Variants in RALYL observed in about 807,000 individuals in gnomAD.
RALYL encodes RNA-binding Raly-like protein.
Under a neutral mutation model 35.1 loss-of-function variants are expected in RALYL, and 29 were observed. That is an observed-to-expected ratio of 0.83 (90% CI 0.61 to 1.13). RALYL has a LOEUF of 1.13. RALYL is among the 50% of genes most tolerant of loss of function. The pLI is 0.00. For missense variants in RALYL, 359 were observed against 360.4 expected, an observed-to-expected ratio of 1.00 and a Z score of 0.03; for synonymous variants, 120 against 127.6, an observed-to-expected ratio of 0.94 and a Z score of 0.40.
intron 2 of RALYL, among the ~76,000 whole-genome samples, chr8:84,735,841 A>AGAGAGAGAGAGAGAGAAC (rs1180314583): frequency 6.6e-5 from 10 of 150,414 alleles, no homozygotes; most frequent in African/African-American, 2.5e-4. Context: ...AGAGAGAGAG[A>AGAGAGAGAGAGAGAGAAC]GAGAGAGAAC....
chr8:84,446,330 G>C (rs1163712750), intron 1 of RALYL, among the ~76,000 whole-genome samples: 1 of 151,950 alleles, frequency 6.6e-6, no homozygotes, highest in African/African-American at 2.4e-5. Context: ...AAAGCATTAT[G>C]TGCTGTTTAT....
intron 1 of RALYL, among the ~76,000 whole-genome samples, chr8:84,445,033 A>C (rs759998444): frequency 2.6e-5 from 4 of 152,100 alleles, no homozygotes; most frequent in Admixed American, 6.6e-5. Context: ...TTATGTCTCT[A>C]ATGTTTACCC....
At chr8:84,633,289 G>A in intron 2 of RALYL, among the ~76,000 whole-genome samples, 1 of 151,670 alleles carries the variant, frequency 6.6e-6, no homozygotes, top group East Asian at 1.9e-4. Flanking sequence ...ATAACACCCA[G>A]ATAGAGTTTG....
chr8:84,360,176 C>T (rs145537284), intron 1 of RALYL, among the ~76,000 whole-genome samples: 2,462 of 152,204 alleles, frequency 0.016, 26 homozygotes, highest in Middle Eastern at 0.044. Context: ...CCTGGCCATG[C>T]GTTCATTTCT....
intron 8 of RALYL, among the ~76,000 whole-genome samples, chr8:84,892,807 A>T (rs1002904838): frequency 2.0e-5 from 3 of 152,148 alleles, no homozygotes; most frequent in African/African-American, 7.2e-5. Flanking sequence ...AGCCAAGACT[A>T]AAAATCTGTG....
chr8:84,862,463 G>A lies in RALYL; in HGVS notation c.571+10G>A. Reference sequence around the variant, plus strand: ...TCAACAGGTTCTAAATGTAAGTAATGTCCTTCATTTTATTTCTCTTTAAAG... The same window carrying A: ...TCAACAGGTTCTAAATGTAAGTAATATCCTTCATTTTATTTCTCTTTAAAG... On this transcript the variant is annotated intron_variant, in intron 6 of 8. Transcript: ENST00000521268. 7 of 1,550,308 alleles carry A rather than the reference G, an allele frequency of 4.5e-6. No individual in the cohort carries two copies. Among genetic ancestry groups the A allele is most frequent in the Non-Finnish European group, 6.1e-6 (7 of 1,149,922 alleles).
In RALYL at chr8:84,420,463, T is replaced by G. The variant is rs1257291645; in HGVS notation, c.-23-108836T>G. Among the ~76,000 whole-genome samples, 16 of 151,536 alleles carry G rather than the reference T, an allele frequency of 1.1e-4. No homozygotes were observed. In the East Asian group the frequency reaches 2.1e-3, roughly 20 times the overall value. ...GGATATTAGCCCTATGTCAGATGAG[T>G]TGGTTGCAAAAATTTTCTCCCATGT... On this transcript the variant is annotated intron_variant, in intron 1 of 8. Transcript: ENST00000521268.
chr8:84,815,571 A>G (rs1827031561), intron 4 of RALYL, among the ~76,000 whole-genome samples: 1 of 151,384 alleles, frequency 6.6e-6, no homozygotes, highest in Non-Finnish European at 1.5e-5. Flanking sequence ...TTTTTAATGG[A>G]GGGCTTAAGT....
At chr8:84,381,870 T>C (rs1208106741) in intron 1 of RALYL, among the ~76,000 whole-genome samples, 2 of 151,796 alleles carry the variant, frequency 1.3e-5, no homozygotes, top group African/African-American at 4.8e-5. Context: ...TTCTGTGGCA[T>C]TTTTCCTTGT....
At chr8:84,213,952 A>C (rs1586230880) in intron 1 of RALYL, among the ~76,000 whole-genome samples, 1 of 152,174 alleles carries the variant, frequency 6.6e-6, no homozygotes, top group African/African-American at 2.4e-5. Flanking sequence ...TGGAATTTGA[A>C]TGAAGAAAAT....
chr8:84,627,356 T>G (rs941106832), intron 2 of RALYL, among the ~76,000 whole-genome samples: 2 of 149,852 alleles, frequency 1.3e-5, no homozygotes, highest in Non-Finnish European at 3.0e-5. Context: ...GTTTTTATAC[T>G]AAGGCATAGC....
In RALYL at chr8:84,782,035, A is replaced by G. The variant is rs1024880812; in HGVS notation, c.332+7381A>G. Among the ~76,000 whole-genome samples, 277 of 115,632 alleles carry G rather than the reference A, an allele frequency of 2.4e-3. 1 individual carries two copies. Among genetic ancestry groups the G allele is most frequent in the Admixed American group, 6.2e-3 (78 of 12,576 alleles). The allele number at this position is 115,632 out of a possible 152,430, so 75.9% of individuals were successfully genotyped here. The stretch of plus-strand genomic sequence containing the variant: ...GTGCATGCTGTGCACACGCGCGCAC[A>G]CACACACACACACACACACACACAC... On this transcript the variant is annotated intron_variant, in intron 3 of 8. Coordinates refer to ENST00000521268, the MANE Select transcript of RALYL (RefSeq NM_173848.7).
chr8:84,480,134 T>C (rs182070292), intron 1 of RALYL, among the ~76,000 whole-genome samples: 15 of 152,308 alleles, frequency 9.8e-5, no homozygotes, highest in Admixed American at 9.8e-4. Context: ...TAAATAGTAT[T>C]TGATTATTAA....
At chr8:84,643,741 A>G (rs1227560280) in intron 2 of RALYL, among the ~76,000 whole-genome samples, 1 of 152,100 alleles carries the variant, frequency 6.6e-6, no homozygotes, top group Admixed American at 6.6e-5. Context: ...ACTAAAACTA[A>G]TAATGGAGAA....
intron 2 of RALYL, among the ~76,000 whole-genome samples, chr8:84,644,812 T>A (rs752280599): frequency 7.2e-5 from 11 of 151,748 alleles, no homozygotes; most frequent in Non-Finnish European, 1.0e-4. Flanking sequence ...AGTGCAGTGG[T>A]TCAATTTTGG....
intron 1 of RALYL, among the ~76,000 whole-genome samples, chr8:84,454,304 GTGTT>G (rs1421116783): frequency 6.9e-6 from 1 of 144,834 alleles, no homozygotes; most frequent in African/African-American, 2.5e-5. Context: ...TAGAAGCTCT[GTGTT>G]TGTTTGAGGA....
chr8:84,359,087 A>G (rs1369252501), intron 1 of RALYL, among the ~76,000 whole-genome samples: 3 of 152,052 alleles, frequency 2.0e-5, no homozygotes, highest in African/African-American at 7.2e-5. Flanking sequence ...AAAGTATTTA[A>G]CCATATGAAT....
In RALYL at chr8:84,615,510, A is replaced by G. The variant is rs377753379; in HGVS notation, c.256+85933A>G. Among the ~76,000 whole-genome samples, 50 of 151,236 alleles carry G rather than the reference A, an allele frequency of 3.3e-4. No individual in the cohort carries two copies. The East Asian group carries it at 7.8e-3, about 23-fold the overall frequency. ...AATTAAATGTGATTAATCAGTTTAA[A>G]CAGTGTACTACAAATATAAGTCAAT... On this transcript the variant is annotated intron_variant, in intron 2 of 8. Coordinates refer to ENST00000521268, the MANE Select transcript of RALYL (RefSeq NM_173848.7).
At chr8:84,488,328 T>G (rs1040217943) in intron 1 of RALYL, among the ~76,000 whole-genome samples, 5 of 152,122 alleles carry the variant, frequency 3.3e-5, no homozygotes, top group African/African-American at 1.2e-4. Flanking sequence ...TATCAACTTT[T>G]TGAGGTCTCA....
Sources: allele counts gnomAD v4.1 joint callset (sites outside exome capture counted in the v4.1 genomes callset), GRCh38; gene constraint gnomAD v4.1.1; transcripts MANE v1.5; gene names NCBI Gene and HGNC (gene_info 2026-07-23, HGNC 2026-07-21).